Variants in KCNT2 observed in about 807,000 individuals in gnomAD.
KCNT2 encodes potassium sodium-activated channel subfamily T member 2, also known as potassium channel subfamily T member 2.
In KCNT2, 67 loss-of-function variants were observed where a neutral mutation model predicts 153.8. That is an observed-to-expected ratio of 0.44 (90% confidence interval 0.36 to 0.53). The LOEUF is 0.53. Ranked by LOEUF, KCNT2 falls within the 20% of genes least tolerant of loss-of-function variation. The pLI is 0.00. For missense variants in KCNT2, 975 were observed against 1,354.8 expected, an observed-to-expected ratio of 0.72 and a Z score of 4.40; for synonymous variants, 500 against 458.8, an observed-to-expected ratio of 1.09 and a Z score of -1.15.
chr1:196,338,783 T>C (rs957160011), intron 16 of KCNT2, among the ~76,000 whole-genome samples: 1 of 151,702 alleles, frequency 6.6e-6, no homozygotes, highest in Non-Finnish European at 1.5e-5. Flanking sequence ...CAGACCACGA[T>C]GATGTTGGTG....
chr1:196,408,559 T>C (rs1392279869), intron 12 of KCNT2, among the ~76,000 whole-genome samples: 2 of 151,656 alleles, frequency 1.3e-5, no homozygotes, highest in Non-Finnish European at 1.5e-5. Context: ...TAAATTTCTC[T>C]TCAGATGCTG....
chr1:196,457,556 T>C (rs1272979200), intron 8 of KCNT2, among the ~76,000 whole-genome samples: 1 of 147,114 alleles, frequency 6.8e-6, no homozygotes, highest in Non-Finnish European at 1.5e-5. Flanking sequence ...GAAGTCACTC[T>C]GGTGTGACAA....
chr1:196,499,539 A>G (rs1466976879), intron 1 of KCNT2, among the ~76,000 whole-genome samples: 3 of 152,250 alleles, frequency 2.0e-5, no homozygotes, highest in African/African-American at 7.2e-5. Context: ...GGTACAAACC[A>G]TGAGGACTCT....
intron 24 of KCNT2, among the ~76,000 whole-genome samples, chr1:196,281,737 T>A (rs1208651516): frequency 1.3e-5 from 2 of 151,188 alleles, no homozygotes; most frequent in Admixed American, 6.6e-5. Context: ...AATTGCCAGT[T>A]AACAAAAAAA....
chr1:196,566,650 C>A (rs1013703107), intron 1 of KCNT2, among the ~76,000 whole-genome samples: 3 of 151,984 alleles, frequency 2.0e-5, no homozygotes, highest in African/African-American at 7.2e-5. Context: ...CCCATAGTTT[C>A]ACAATGAATA....
intron 1 of KCNT2, among the ~76,000 whole-genome samples, chr1:196,605,925 T>C (rs1026348091): frequency 6.6e-6 from 1 of 152,218 alleles, no homozygotes; most frequent in Non-Finnish European, 1.5e-5. Context: ...TAAGAATTTC[T>C]TGAGGGATTT....
At chr1:196,422,902 G>A (rs1374496164) in intron 12 of KCNT2, 148 bp downstream of exon 12, 2 of 500,788 alleles carry the variant, frequency 4.0e-6, no homozygotes, top group African/African-American at 2.0e-5. Flanking sequence ...TGTTCTTATG[G>A]AAAAGATAGC....
In KCNT2 at chr1:196,333,991, G is replaced by A; in HGVS notation, c.1853C>T (p.Thr618Ile). The A allele has an allele frequency of 1.2e-6, 2 of 1,613,288 alleles. No individual in the cohort carries two copies. Among genetic ancestry groups the A allele is most frequent in the Non-Finnish European group, 1.7e-6 (2 of 1,179,636 alleles). The change falls in exon 17 of 28, where the codon ACA (threonine) becomes ATA (isoleucine). Residue 618 changes from threonine to isoleucine, a missense_variant. By Grantham distance (89) the Thr-to-Ile change is moderately conservative. Transcript: ENST00000294725. ...TCTTCTTATTTCTTTGCTTCCCTCT[G>A]TAGGAAGAGACAGGGTAGGGCCACT... is the stretch of plus-strand genomic sequence containing the variant. The part of the protein sequence containing the change: ...SASGPTLSLP[T>I]EGSKEIRRPS...
intron 8 of KCNT2, among the ~76,000 whole-genome samples, chr1:196,464,689 T>C (rs1018511221): frequency 1.3e-5 from 2 of 151,972 alleles, no homozygotes; most frequent in African/African-American, 2.4e-5. Context: ...AATGAATCCA[T>C]ATGTCCGGTG....
chr1:196,511,116 A>AACACACACACACACACACAC (rs35177032), intron 1 of KCNT2, among the ~76,000 whole-genome samples: 4 of 146,468 alleles, frequency 2.7e-5, no homozygotes, highest in Admixed American at 1.4e-4. Flanking sequence ...AAACACACAC[A>AACACACACACACACACACAC]ACACACACAC....
chr1:196,456,330 CTTTTG>C (rs1364534013), intron 8 of KCNT2, among the ~76,000 whole-genome samples: 3 of 151,706 alleles, frequency 2.0e-5, no homozygotes, highest in Admixed American at 6.6e-5. Flanking sequence ...TGACAAAATC[CTTTTG>C]TTTTATTTTG....
chr1:196,465,601 C>T (rs4545283), intron 7 of KCNT2, among the ~76,000 whole-genome samples: 1 of 151,930 alleles, frequency 6.6e-6, no homozygotes. Context: ...AAAGATATTG[C>T]TGTAGGAAGA....
At chr1:196,573,531 T>C (rs1359007017) in intron 1 of KCNT2, among the ~76,000 whole-genome samples, 4 of 152,084 alleles carry the variant, frequency 2.6e-5, no homozygotes, top group African/African-American at 9.7e-5. Context: ...AGAACTCAGT[T>C]AGATTGAAGA....
chr1:196,574,865 A>AAAAAAAT (rs1661170980), intron 1 of KCNT2, among the ~76,000 whole-genome samples: 1 of 152,018 alleles, frequency 6.6e-6, no homozygotes, highest in Non-Finnish European at 1.5e-5. Flanking sequence ...TACAAGATAA[A>AAAAAAAT]GCAGAGTTTT....
chr1:196,301,543 T>C (rs1002348565), intron 22 of KCNT2, among the ~76,000 whole-genome samples: 4 of 152,166 alleles, frequency 2.6e-5, no homozygotes, highest in Non-Finnish European at 4.4e-5. Flanking sequence ...TATATTAATA[T>C]TTATTAGAAT....
intron 12 of KCNT2, among the ~76,000 whole-genome samples, chr1:196,410,469 A>G (rs1033512044): frequency 6.6e-6 from 1 of 151,586 alleles, no homozygotes; most frequent in African/African-American, 2.4e-5. Flanking sequence ...CTAATGTTAA[A>G]TGACAAGTTA....
chr1:196,381,414 T>C (rs1669480638), intron 13 of KCNT2, among the ~76,000 whole-genome samples: 1 of 151,976 alleles, frequency 6.6e-6, no homozygotes, highest in Admixed American at 6.6e-5. Flanking sequence ...AGCTTCTTTT[T>C]AGTAATAAAA....
At chr1:196,434,386 T>C (rs958702755) in intron 8 of KCNT2, among the ~76,000 whole-genome samples, 1 of 152,072 alleles carries the variant, frequency 6.6e-6, no homozygotes, top group African/African-American at 2.4e-5. Flanking sequence ...AGTTAAAATG[T>C]ATATTTCTTA....
chr1:196,485,607 C>CT (rs1176827692), intron 3 of KCNT2, among the ~76,000 whole-genome samples: 1 of 151,530 alleles, frequency 6.6e-6, no homozygotes, highest in Non-Finnish European at 1.5e-5. Context: ...CCAGTCTAGA[C>CT]TATGTCTTGT....
Sources: gnomAD v4.1 joint callset for allele counts (sites outside exome capture counted in the v4.1 genomes callset) on GRCh38, gnomAD v4.1.1 for gene constraint, MANE v1.5 for transcripts, NCBI Gene and HGNC (gene_info 2026-07-23, HGNC 2026-07-21) for gene names.